The following NBEAL1 variants were observed in gnomAD, a reference collection of about 807,000 sequenced individuals.
The protein encoded by NBEAL1 is neurobeachin like 1, also known as neurobeachin-like protein 1.
A neutral mutation model predicts 351.3 loss-of-function variants in NBEAL1; 273 were observed. The ratio of observed to expected loss-of-function variants is 0.78; its 90% CI spans 0.70 to 0.86. The LOEUF (loss-of-function observed/expected upper bound fraction) is 0.86. Ranked by LOEUF, NBEAL1 falls within the 40% of genes least tolerant of loss-of-function variation. The pLI, the probability that NBEAL1 is intolerant of heterozygous loss-of-function variation, is 0.00. For missense variants in NBEAL1, 2,961 were observed against 3,201.3 expected (o/e 0.92, Z 1.81); for synonymous variants, 1,050 against 1,086.4 (o/e 0.97, Z 0.66).
At chr2:203,113,397 A>G in intron 17 of NBEAL1, 79 bp downstream of exon 17, 1 of 682,260 alleles carries the variant, frequency 1.5e-6, no homozygotes, top group East Asian at 3.3e-5. Flanking sequence ...GAATATATTT[A>G]GAATATAGAA....
chr2:203,203,684 T>C (rs1461398762), intron 51 of NBEAL1, among the ~76,000 whole-genome samples: 3 of 152,120 alleles, frequency 2.0e-5, no homozygotes, highest in Non-Finnish European at 4.4e-5. Flanking sequence ...CCAGCCCGGG[T>C]GACTGAGCAA....
chr2:203,224,480 A>G lies in NBEAL1; in HGVS notation c.*7126A>G, dbSNP rs1427924569. Among the ~76,000 whole-genome samples the G allele has an allele frequency of 2.0e-5, 3 of 152,168 alleles. No individual in the cohort carries two copies. In the East Asian group the frequency reaches 5.8e-4, roughly 29 times the overall value. On this transcript the variant is annotated 3_prime_UTR_variant, in exon 56 of 56. Transcript: ENST00000683969. Reference sequence around the variant, plus strand: ...ACTGAGGCATAAAAATATGAAACATATTTAATTCATCTCTTTTGTCAGTTT... The same window carrying G: ...ACTGAGGCATAAAAATATGAAACATGTTTAATTCATCTCTTTTGTCAGTTT...
chr2:203,153,745 A>G (rs1021345714), intron 35 of NBEAL1, among the ~76,000 whole-genome samples: 12 of 152,106 alleles, frequency 7.9e-5, no homozygotes, highest in African/African-American at 2.9e-4. Flanking sequence ...ACACCCAACA[A>G]ACATCTTTTG....
At chr2:203,103,296 CAG>C (rs2062365562) in intron 12 of NBEAL1, among the ~76,000 whole-genome samples, 1 of 150,566 alleles carries the variant, frequency 6.6e-6, no homozygotes, top group Non-Finnish European at 1.5e-5. Context: ...TTTTTGGAGA[CAG>C]AGTCTCTGTC....
intron 2 of NBEAL1, 42 bp downstream of exon 2, chr2:203,016,477 A>G: frequency 7.7e-7 from 1 of 1,304,450 alleles, no homozygotes; most frequent in Non-Finnish European, 1.0e-6. Flanking sequence ...AAAATACTTT[A>G]TTATAAAATT....
chr2:203,047,291 A>G (rs891948573), intron 3 of NBEAL1, among the ~76,000 whole-genome samples: 1 of 151,930 alleles, frequency 6.6e-6, no homozygotes, highest in Non-Finnish European at 1.5e-5. Flanking sequence ...CTGTAGAAGT[A>G]TTGGCAACCA....
At chr2:203,164,914 T>A (rs2064087414) in intron 36 of NBEAL1, among the ~76,000 whole-genome samples, 2 of 148,874 alleles carry the variant, frequency 1.3e-5, no homozygotes, top group South Asian at 4.2e-4. Context: ...CAGGCTGGAG[T>A]ACAGTGGCGT....
rs545345837 is a variant in NBEAL1, at chr2:203,072,741, T to C, written c.598+4266T>C. On this transcript the variant is annotated intron_variant, in intron 7 of 55. Transcript: ENST00000683969. ...ATTTATGTTTGAGAGCTCACCAGAA[T>C]TGCCCTGAAGGTCCCTATTTCCAGC... is the stretch of plus-strand genomic sequence containing the variant. Among the ~76,000 whole-genome samples the C allele has an allele frequency of 2.0e-5, 3 of 152,286 alleles. No individual in the cohort carries two copies. In the East Asian group the frequency reaches 5.8e-4, roughly 29 times the overall value.
Position 203,016,426 on chromosome 2 carries a change from T to C in NBEAL1, c.42T>C (p.Tyr14=). The C allele has an allele frequency of 6.7e-7, 1 of 1,484,722 alleles. No individual in the cohort carries two copies. Among genetic ancestry groups the C allele is most frequent in the Non-Finnish European group, 9.1e-7 (1 of 1,100,728 alleles). 92.0% of individuals were successfully genotyped at this position (1,484,722 alleles called of 1,614,324 possible). A position where few individuals can be genotyped will look rare whatever the true frequency, so the allele number is the denominator to read the frequency against. The change falls in exon 2 of 56, where the codon TAT becomes TAC. Residue 14 remains tyrosine (Y), a synonymous_variant. Transcript: ENST00000683969. ...GGCTCTTTGAACTTTGGATGCTTTATTGTACAAAGGTAATTGCTTTCCTTT... is the reference window on the plus strand; with the variant it reads ...GGCTCTTTGAACTTTGGATGCTTTACTGTACAAAGGTAATTGCTTTCCTTT... ...RERLFELWML[Y]CTKKDPDYLK... is the part of the protein sequence containing the mutation.
At chr2:203,114,112 G>A (rs750626135) in intron 17 of NBEAL1, among the ~76,000 whole-genome samples, 3 of 152,082 alleles carry the variant, frequency 2.0e-5, no homozygotes, top group Admixed American at 6.6e-5. Context: ...GTGAGCCACC[G>A]CGCCCAGCCT....
At chr2:203,028,724 C>T (rs1217565362) in intron 2 of NBEAL1, among the ~76,000 whole-genome samples, 2 of 151,382 alleles carry the variant, frequency 1.3e-5, no homozygotes, top group Non-Finnish European at 2.9e-5. Context: ...AACTTTAGTC[C>T]CGTTTGACTC....
Position 203,201,525 on chromosome 2 carries a change from A to G in NBEAL1, c.7239-18A>G, listed in dbSNP as rs1373155793. 2.0e-6 allele frequency: 3 copies of G among 1,502,876 alleles called. No homozygotes were observed. The highest frequency in any genetic ancestry group is 8.9e-7 in the Non-Finnish European group (1 of 1,118,390). 93.1% of individuals were successfully genotyped at this position (1,502,876 alleles called of 1,614,324 possible). On this transcript the variant is annotated intron_variant, in intron 49 of 55. Transcript: ENST00000683969. ...GTGATCTTGTAAGGAAAAGTCTGATATTTAATTGTGTTTACAGAACTCAGC... is the reference window on the plus strand; with the variant it reads ...GTGATCTTGTAAGGAAAAGTCTGATGTTTAATTGTGTTTACAGAACTCAGC...
At chr2:203,099,922 G>T (rs2062275356) in intron 12 of NBEAL1, among the ~76,000 whole-genome samples, 1 of 152,058 alleles carries the variant, frequency 6.6e-6, no homozygotes, top group Non-Finnish European at 1.5e-5. Flanking sequence ...GTAGGCCCTG[G>T]TGTCTATTGT....
At chr2:203,056,387 C>G (rs2061401992) in intron 4 of NBEAL1, 40 bp from the exon 5 acceptor site, 1 of 1,087,996 alleles carries the variant, frequency 9.2e-7, no homozygotes, top group Non-Finnish European at 1.4e-6. Flanking sequence ...GTTTTGTTCA[C>G]CATTCTTATG....
In NBEAL1 at chr2:203,107,877, C is replaced by G. The variant is rs989622445; in HGVS notation, c.1638C>G (p.Ser546=). The G allele has an allele frequency of 1.3e-6, 2 of 1,554,058 alleles. No homozygotes were observed. Among genetic ancestry groups the G allele is most frequent in the Non-Finnish European group, 8.7e-7 (1 of 1,147,702 alleles). The change falls in exon 14 of 56, where the codon TCC becomes TCG. Residue 546 remains serine (S), a synonymous_variant. Transcript: ENST00000683969. ...AGAACTTGATTGCAATCCATGGTTCCTTGGGGAGTCAGTCAGTGAGCTCAG... is the reference window on the plus strand; with the variant it reads ...AGAACTTGATTGCAATCCATGGTTCGTTGGGGAGTCAGTCAGTGAGCTCAG... ...CAENLIAIHG[S]LGSQSVSSEE...
rs139405727 is a variant in NBEAL1 at position 203,145,363 on chromosome 2, A to G, written c.5304+203A>G. On this transcript the variant is annotated intron_variant, in intron 33 of 55. Coordinates refer to ENST00000683969, the MANE Select transcript of NBEAL1 (RefSeq NM_001378026.1). ...AATGTTCTATATAGTGATTATGCAA[A>G]AAGTTTATTAAGCTGATAGTACGTT... Among the ~76,000 whole-genome samples the G allele has an allele frequency of 3.0e-3, 450 of 152,326 alleles. 3 individuals carry two copies. Among genetic ancestry groups the G allele is most frequent in the African/African-American group, 0.01 (435 of 41,570 alleles).
intron 17 of NBEAL1, among the ~76,000 whole-genome samples, chr2:203,115,223 G>A (rs1490867118): frequency 6.6e-6 from 1 of 151,496 alleles, no homozygotes; most frequent in African/African-American, 2.4e-5. Flanking sequence ...TGCCTCCTGG[G>A]TTCAAGCGAT....
intron 55 of NBEAL1, among the ~76,000 whole-genome samples, chr2:203,216,009 TAAAAA>T (rs60748031): frequency 1.6e-5 from 2 of 125,504 alleles, no homozygotes; most frequent in Admixed American, 8.0e-5. Context: ...AAACCCTGTC[TAAAAA>T]AAAAAAAAAA....
rs1007041315 is a variant in NBEAL1 at position 203,088,282 on chromosome 2, G to A, written c.1098+3713G>A. On this transcript the variant is annotated intron_variant, in intron 10 of 55. Coordinates refer to ENST00000683969, the MANE Select transcript of NBEAL1 (RefSeq NM_001378026.1). ...TTACAATTTTTTTCACTACCAGTAA[G>A]TCTTTATTGATTGATTGTATCTTCC... Among the ~76,000 whole-genome samples, 47 of 152,112 alleles carry A rather than the reference G, an allele frequency of 3.1e-4. 2 individuals carry two copies. The highest frequency in any genetic ancestry group is 3.1e-3 in the Admixed American group (47 of 15,262).
Sources: gnomAD v4.1 joint callset for allele counts (sites outside exome capture counted in the v4.1 genomes callset) on GRCh38, gnomAD v4.1.1 for gene constraint, MANE v1.5 for transcripts, NCBI Gene and HGNC (gene_info 2026-07-23, HGNC 2026-07-21) for gene names.